The following EIF4B variants were observed in gnomAD, a reference collection of about 807,000 sequenced individuals.
EIF4B encodes the protein eukaryotic translation initiation factor 4B.
In EIF4B, 8 loss-of-function variants were observed where a neutral mutation model predicts 79.3. The ratio of observed to expected loss-of-function variants is 0.10; its 90% confidence interval spans 0.06 to 0.18. EIF4B has a LOEUF of 0.18. Among genes scored for constraint, EIF4B ranks in the 10% least tolerant of loss-of-function variants. The probability of loss-of-function intolerance (pLI) is 1.00; values close to 1 mark genes in which losing one functional copy is unlikely to be tolerated. For missense variants in EIF4B, 515 were observed against 792.4 expected, an observed-to-expected ratio of 0.65 and a Z score of 4.20; for synonymous variants, 238 against 274.7, an observed-to-expected ratio of 0.87 and a Z score of 1.32.
intron 6 of EIF4B, among the ~76,000 whole-genome samples, chr12:53,023,412 T>C (rs1943281198): frequency 6.6e-6 from 1 of 151,350 alleles, no homozygotes; most frequent in African/African-American, 2.4e-5. Context: ...TTTGTATTTT[T>C]AGTAGAGATG....
At chr12:53,007,169 T>TA (rs1362052539) in intron 1 of EIF4B, among the ~76,000 whole-genome samples, 1 of 152,188 alleles carries the variant, frequency 6.6e-6, no homozygotes, top group Non-Finnish European at 1.5e-5. Context: ...CCTGTGCCTG[T>TA]ATTCTTCTAA....
At chr12:53,028,236 C>T in intron 8 of EIF4B, 48 bp downstream of exon 8, 1 of 1,526,872 alleles carries the variant, frequency 6.5e-7, no homozygotes, top group Non-Finnish European at 8.8e-7. Flanking sequence ...ACTGGGAAAA[C>T]TACGGAAAAT....
Position 53,039,617 on chromosome 12 carries a change from T to TA in EIF4B, c.1683-12dup. On this transcript the variant is annotated splice_polypyrimidine_tract_variant and intron_variant, in intron 13 of 14. Transcript: ENST00000262056. Reference sequence around the variant, plus strand: ...TTTCCTAAAGACATGGTTTTATGCTTACGTCTCTGCAGGAAAGATGGCAAA... The same window carrying TA: ...TTTCCTAAAGACATGGTTTTATGCTTAACGTCTCTGCAGGAAAGATGGCAAA... 3 of 1,613,666 alleles carry TA rather than the reference T, an allele frequency of 1.9e-6. No homozygotes were observed. Among genetic ancestry groups the TA allele is most frequent in the Non-Finnish European group, 2.5e-6 (3 of 1,179,688 alleles).
At chr12:53,026,322 C>T (rs759915522) in intron 6 of EIF4B, among the ~76,000 whole-genome samples, 6 of 152,120 alleles carry the variant, frequency 3.9e-5, no homozygotes, top group South Asian at 2.1e-4. Context: ...AACAACATAA[C>T]GCTACCCACA....
intron 12 of EIF4B, chr12:53,038,767 A>C (rs972334514): frequency 9.1e-5 from 15 of 164,354 alleles, no homozygotes; most frequent in African/African-American, 3.1e-4. Context: ...CAGTAAGCCA[A>C]GATGGCCCCA....
intron 1 of EIF4B, among the ~76,000 whole-genome samples, chr12:53,010,938 A>G (rs146503876): frequency 2.6e-5 from 4 of 152,274 alleles, no homozygotes; most frequent in Admixed American, 1.3e-4. Context: ...TATTCAATGT[A>G]ATTTGTATAC....
At chr12:53,013,026 ATTTG>A (rs1202780966) in intron 1 of EIF4B, among the ~76,000 whole-genome samples, 2 of 152,208 alleles carry the variant, frequency 1.3e-5, no homozygotes, top group Non-Finnish European at 2.9e-5. Flanking sequence ...ATGATATTTA[ATTTG>A]TTTGGAAATT....
In EIF4B at chr12:53,022,512, T is replaced by C; in HGVS notation, c.552T>C (p.Phe184=). The change falls in exon 6 of 15, where the codon TTT becomes TTC. Residue 184 remains phenylalanine (F), a synonymous_variant. Coordinates refer to ENST00000262056, the MANE Select transcript of EIF4B (RefSeq NM_001417.7). ...CTGTAGACAGGGATGATCGTTCTTT[T>C]GGCCGTGATAGAAATCGGGATTCTG... ...AQDKDRDDRS[F]GRDRNRDSDK... is the part of the protein sequence containing the mutation. 1.2e-6 allele frequency: 2 copies of C among 1,613,212 alleles called. No homozygotes were observed. The highest frequency in any genetic ancestry group is 1.7e-6 in the Non-Finnish European group (2 of 1,179,870).
chr12:53,023,459 T>C (rs900599427), intron 6 of EIF4B, among the ~76,000 whole-genome samples: 2 of 152,014 alleles, frequency 1.3e-5, no homozygotes, highest in Non-Finnish European at 1.5e-5. Flanking sequence ...TCTTGATCTC[T>C]TGACCTCATG....
chr12:53,014,861 G>A (rs1251808751), intron 1 of EIF4B: 2 of 152,120 alleles, frequency 1.3e-5, no homozygotes, highest in Non-Finnish European at 2.9e-5. Context: ...TGTAGTGGCT[G>A]CTATCAGGCC....
chr12:53,023,617 C>T (rs998182758), intron 6 of EIF4B, among the ~76,000 whole-genome samples: 1 of 119,884 alleles, frequency 8.3e-6, no homozygotes, highest in Non-Finnish European at 1.7e-5. Context: ...GAGTTTCGCT[C>T]TTGTTGCCCA....
At chr12:53,019,443 T>TTTTA (rs1943207342) in intron 3 of EIF4B, among the ~76,000 whole-genome samples, 4 of 94,398 alleles carry the variant, frequency 4.2e-5, no homozygotes, top group Non-Finnish European at 6.3e-5. Flanking sequence ...ATATATTTTT[T>TTTTA]TTTTTTCTTT....
At position 53,012,767 on chromosome 12, in the gene EIF4B, G is replaced by A. The variant is rs7970899; in HGVS notation, c.14-3706G>A. 5.7e-3 allele frequency among the ~76,000 whole-genome samples: 865 copies of A among 151,504 alleles called. 10 individuals carry two copies. Among genetic ancestry groups the A allele is most frequent in the African/African-American group, 0.02 (819 of 41,342 alleles). The stretch of plus-strand genomic sequence containing the variant: ...ACCACAGGTGCCCGCCACCATGCCC[G>A]GCTAATTTTTTTGTATTTTTAGTAG... On this transcript the variant is annotated intron_variant, in intron 1 of 14. Transcript: ENST00000262056.
chr12:53,007,798 A>C (rs1311253444), intron 1 of EIF4B, among the ~76,000 whole-genome samples: 3 of 152,160 alleles, frequency 2.0e-5, no homozygotes, highest in Non-Finnish European at 4.4e-5. Context: ...GTGCATTTGA[A>C]CATCTTTCAT....
chr12:53,038,380 T>C lies in EIF4B; in HGVS notation c.1545T>C (p.Ala515=). The change falls in exon 12 of 15, where the codon GCT becomes GCC. Residue 515 remains alanine (A), a synonymous_variant. Coordinates refer to ENST00000262056, the MANE Select transcript of EIF4B (RefSeq NM_001417.7). ...PTSGGGKVAP[A]QPSEEGPGRK... ...GTGGTGGGGGAAAAGTAGCTCCAGCTCAACCATCTGAGGAAGGACCAGGAA... is the reference window on the plus strand; with the variant it reads ...GTGGTGGGGGAAAAGTAGCTCCAGCCCAACCATCTGAGGAAGGACCAGGAA... The C allele has an allele frequency of 6.2e-7, 1 of 1,601,946 alleles. No individual in the cohort carries two copies. The highest frequency in any genetic ancestry group is 1.1e-5 in the South Asian group (1 of 89,204).
At chr12:53,007,420 CTTTTTTTTTTT>C (rs56017954) in intron 1 of EIF4B, among the ~76,000 whole-genome samples, 1 of 92,236 alleles carries the variant, frequency 1.1e-5, no homozygotes, top group African/African-American at 5.1e-5. Flanking sequence ...AGATTTCAGC[CTTTTTTTTTTT>C]TTTTTTTTTT....
chr12:53,033,733 CTG>C, intron 8 of EIF4B, 71 bp from the exon 9 acceptor site: 1 of 1,462,128 alleles, frequency 6.8e-7, no homozygotes, highest in Non-Finnish European at 9.2e-7. Flanking sequence ...GGAGTTATAT[CTG>C]AGAAATCTGG....
At chr12:53,009,812 C>T (rs770455120) in intron 1 of EIF4B, among the ~76,000 whole-genome samples, 1 of 152,102 alleles carries the variant, frequency 6.6e-6, no homozygotes, top group Non-Finnish European at 1.5e-5. Flanking sequence ...AGTTTAAATA[C>T]AAATACAGAA....
At chr12:53,010,430 C>T (rs778968465) in intron 1 of EIF4B, among the ~76,000 whole-genome samples, 2 of 152,086 alleles carry the variant, frequency 1.3e-5, no homozygotes, top group Non-Finnish European at 2.9e-5. Flanking sequence ...TTTATCCTGA[C>T]AGTCTCATCA....
Sources: gnomAD v4.1 joint callset for allele counts (sites outside exome capture counted in the v4.1 genomes callset) on GRCh38, gnomAD v4.1.1 for gene constraint, MANE v1.5 for transcripts, NCBI Gene and HGNC (gene_info 2026-07-23, HGNC 2026-07-21) for gene names.